The following FRYL variants were observed in gnomAD, a reference collection of about 807,000 sequenced individuals.
FRYL encodes protein furry homolog-like.
In FRYL, 150 loss-of-function variants were observed where a neutral mutation model predicts 351.2. The ratio of observed to expected loss-of-function variants is 0.43; its 90% CI spans 0.37 to 0.49. The LOEUF (loss-of-function observed/expected upper bound fraction) is 0.49, where lower values mean the gene tolerates loss of function less well. Ranked by LOEUF, FRYL falls within the 20% of genes least tolerant of loss-of-function variation. The probability of loss-of-function intolerance (pLI) is 0.00; values close to 1 mark genes in which losing one functional copy is unlikely to be tolerated. For synonymous variants in FRYL, 1,153 were observed against 1,257.1 expected (o/e 0.92, Z 1.75); for missense variants, 3,036 against 3,619.3 (o/e 0.84, Z 4.13).
chr4:48,545,977 A>T, intron 42 of FRYL, 90 bp downstream of exon 42: 1 of 1,190,058 alleles, frequency 8.4e-7, no homozygotes, highest in Non-Finnish European at 1.2e-6. Context: ...ATGGTATTTC[A>T]GACAACAAAA....
chr4:48,573,655 T>A (rs1738877297), intron 25 of FRYL, among the ~76,000 whole-genome samples: 1 of 152,202 alleles, frequency 6.6e-6, no homozygotes, highest in Non-Finnish European at 1.5e-5. Context: ...ATTCAAGTGA[T>A]TCTCCTGCCT....
chr4:48,715,830 T>C lies in FRYL; in HGVS notation c.-383-5132A>G, dbSNP rs903979067. Among the ~76,000 whole-genome samples, 427 of 152,214 alleles carry C rather than the reference T, an allele frequency of 2.8e-3. 1 individual carries two copies. The highest frequency in any genetic ancestry group is 9.8e-3 in the African/African-American group (408 of 41,518). On this transcript the variant is annotated intron_variant, in intron 1 of 63. Transcript: ENST00000358350. The stretch of plus-strand genomic sequence containing the variant: ...CCGCATCGCCAAGTCAATCCTAAGC[T>C]GAAAGAACAAAGCTGGAGGCATCAT...
chr4:48,596,070 G>T, intron 13 of FRYL, 70 bp from the exon 14 acceptor site: 2 of 1,007,374 alleles, frequency 2.0e-6, no homozygotes, highest in Non-Finnish European at 3.0e-6. Context: ...CATATTCTCT[G>T]TCAACAACTA....
chr4:48,770,936 T>C (rs1362490033), intron 1 of FRYL, among the ~76,000 whole-genome samples: 1 of 151,622 alleles, frequency 6.6e-6, no homozygotes, highest in Non-Finnish European at 1.5e-5. Flanking sequence ...AGGAAAAATG[T>C]TAGAACAGGA....
chr4:48,527,976 G>T lies in FRYL; in HGVS notation c.7135C>A (p.Pro2379Thr). 6.4e-7 allele frequency: 1 copy of T among 1,568,268 alleles called. No homozygotes were observed. The highest frequency in any genetic ancestry group is 1.2e-5 in the South Asian group (1 of 83,196). ...CGPESGLPKN[P>T]SVVFSSNEDL... Reference sequence around the variant, plus strand: ...AGGTCTTCATGATTACTCACTGATGGGTTCTTTGGGAGGCCAGATTCTGGA... The same window carrying T: ...AGGTCTTCATGATTACTCACTGATGTGTTCTTTGGGAGGCCAGATTCTGGA... Residue 2379 changes from proline to threonine, a missense_variant, in exon 52 of 64, where the codon CCA becomes ACA. Coordinates refer to ENST00000358350, the MANE Select transcript of FRYL (RefSeq NM_015030.2).
chr4:48,558,664 T>A (rs773677478), intron 33 of FRYL, among the ~76,000 whole-genome samples: 1 of 152,214 alleles, frequency 6.6e-6, no homozygotes, highest in Non-Finnish European at 1.5e-5. Context: ...TAATTTTAAA[T>A]TGACCCATTA....
At chr4:48,561,714 T>TA (rs1383155199) in intron 32 of FRYL, 78 bp from the exon 33 acceptor site, 16 of 1,161,546 alleles carry the variant, frequency 1.4e-5, no homozygotes, top group South Asian at 1.7e-5. Context: ...TTATAATTTT[T>TA]AAAAAAACTC....
At chr4:48,745,655 TGACGA>T (rs1260395709) in intron 1 of FRYL, among the ~76,000 whole-genome samples, 1 of 152,032 alleles carries the variant, frequency 6.6e-6, no homozygotes, top group Non-Finnish European at 1.5e-5. Flanking sequence ...CTAATGTAAA[TGACGA>T]GTTAATGGGT....
intron 7 of FRYL, among the ~76,000 whole-genome samples, chr4:48,615,103 G>A (rs1749152304): frequency 6.6e-6 from 1 of 152,174 alleles, no homozygotes; most frequent in Non-Finnish European, 1.5e-5. Context: ...TAGGATTACA[G>A]GCGTGAGCCA....
At chr4:48,592,639 G>A (rs1429786920) in intron 16 of FRYL, among the ~76,000 whole-genome samples, 3 of 151,940 alleles carry the variant, frequency 2.0e-5, no homozygotes, top group Non-Finnish European at 2.9e-5. Context: ...AACCATTTTT[G>A]TCGGTAGAAA....
chr4:48,521,126 T>G lies in FRYL; in HGVS notation c.7611A>C (p.Thr2537=), dbSNP rs1404994976. The change falls in exon 55 of 64, where the codon ACA becomes ACC. Residue 2537 remains threonine (T), a synonymous_variant. Coordinates refer to ENST00000358350, the MANE Select transcript of FRYL (RefSeq NM_015030.2). ...QSEDSTGSIT[T]EEVLQIRDET... is the part of the protein sequence containing the mutation. The stretch of plus-strand genomic sequence containing the variant: ...CATCCCTGATTTGAAGCACTTCCTC[T>G]GTTGTGATGCTGCCAGTGGAATCTT... 6.2e-7 allele frequency: 1 copy of G among 1,613,870 alleles called. No individual in the cohort carries two copies. The highest frequency in any genetic ancestry group is 1.1e-5 in the South Asian group (1 of 91,050).
rs267600177 is a variant in FRYL at position 48,499,608 on chromosome 4, G to A, written c.8856C>T (p.Phe2952=). 1.2e-6 allele frequency: 2 copies of A among 1,614,026 alleles called. No individual in the cohort carries two copies. The highest frequency in any genetic ancestry group is 1.7e-6 in the Non-Finnish European group (2 of 1,179,904). The change falls in exon 64 of 64, where the codon TTC becomes TTT. Residue 2952 remains phenylalanine (F), a synonymous_variant. Transcript: ENST00000358350. ...DPVQTLLHIY[F]HHQTLGQTGS... is the part of the protein sequence containing the mutation. ...CTGTCTGGCCCAGCGTCTGATGATG[G>A]AAATATATATGTAACAGTGTCTGTA...
chr4:48,645,124 T>TTATATATATATA lies in FRYL; in HGVS notation c.-80-10646_-80-10635dup, dbSNP rs36223183. ...ATTAAACCAGCAGTGAGCTTTCATT[T>TTATATATATATA]TATATATATATATATATATATATAT... is the stretch of plus-strand genomic sequence containing the variant. On this transcript the variant is annotated intron_variant, in intron 3 of 63. Transcript: ENST00000358350. Among the ~76,000 whole-genome samples, 611 of 105,322 alleles carry TTATATATATATA rather than the reference T, an allele frequency of 5.8e-3. 35 individuals are homozygous for TTATATATATATA. Among genetic ancestry groups the TTATATATATATA allele is most frequent in the Non-Finnish European group, 7.1e-3 (341 of 48,270 alleles). 69.1% of individuals were successfully genotyped at this position (105,322 alleles called of 152,430 possible). A position where few individuals can be genotyped will look rare whatever the true frequency, so the allele number is the denominator to read the frequency against.
intron 16 of FRYL, among the ~76,000 whole-genome samples, chr4:48,593,119 T>A (rs1743808929): frequency 6.6e-6 from 1 of 152,066 alleles, no homozygotes; most frequent in South Asian, 2.1e-4. Context: ...TAATGTTGAT[T>A]TTTTTTGGCA....
intron 2 of FRYL, among the ~76,000 whole-genome samples, chr4:48,706,380 A>G (rs1448127382): frequency 6.6e-5 from 10 of 152,230 alleles, no homozygotes; most frequent in Non-Finnish European, 1.3e-4. Flanking sequence ...GGGTGAAAAA[A>G]GCCAGTCACA....
chr4:48,613,582 T>C (rs575629055), intron 7 of FRYL, among the ~76,000 whole-genome samples: 1 of 152,296 alleles, frequency 6.6e-6, no homozygotes, highest in East Asian at 1.9e-4. Flanking sequence ...ACCTCCTACT[T>C]TACAGATGAG....
At chr4:48,670,965 T>C (rs1445681866) in intron 3 of FRYL, among the ~76,000 whole-genome samples, 2 of 152,192 alleles carry the variant, frequency 1.3e-5, no homozygotes, top group African/African-American at 4.8e-5. Flanking sequence ...ATACACCTAG[T>C]ACTGGGATTG....
At chr4:48,764,422 G>A (rs535135867) in intron 1 of FRYL, among the ~76,000 whole-genome samples, 6 of 151,612 alleles carry the variant, frequency 4.0e-5, no homozygotes, top group South Asian at 2.1e-4. Flanking sequence ...TCCCAGCTAC[G>A]TGGGAGGCTG....
intron 1 of FRYL, among the ~76,000 whole-genome samples, chr4:48,736,653 C>A (rs1771441928): frequency 6.6e-6 from 1 of 151,498 alleles, no homozygotes; most frequent in Non-Finnish European, 1.5e-5. Context: ...AGTTCAAGAC[C>A]AGCCTGGCCA....
Sources: gnomAD v4.1 joint callset for allele counts (sites outside exome capture counted in the v4.1 genomes callset) on GRCh38, gnomAD v4.1.1 for gene constraint, MANE v1.5 for transcripts, NCBI Gene and HGNC (gene_info 2026-07-23, HGNC 2026-07-21) for gene names.